The following DCC variants were observed in gnomAD, a reference collection of about 807,000 sequenced individuals.
DCC encodes netrin receptor DCC.
DCC carries 58 observed loss-of-function variants against 172.5 expected under a neutral mutation model. That is an observed-to-expected ratio of 0.34 (90% CI 0.27 to 0.42). The LOEUF is 0.42. Among genes scored for constraint, DCC ranks in the 10% least tolerant of loss-of-function variants. DCC has a pLI of 1.00. For missense variants in DCC, 1,740 were observed against 1,791.0 expected, an observed-to-expected ratio of 0.97 and a Z score of 0.51; for synonymous variants, 709 against 644.5, an observed-to-expected ratio of 1.10 and a Z score of -1.52.
At chr18:52,564,022 G>T (rs1200178341) in intron 1 of DCC, among the ~76,000 whole-genome samples, 1 of 152,138 alleles carries the variant, frequency 6.6e-6, no homozygotes, top group Non-Finnish European at 1.5e-5. Context: ...GAAGCATGTT[G>T]CTGGTTGTTA....
At chr18:52,966,466 T>C (rs2040932277) in intron 5 of DCC, among the ~76,000 whole-genome samples, 1 of 152,160 alleles carries the variant, frequency 6.6e-6, no homozygotes. Context: ...ATCTCTGCTG[T>C]GCAGTATCCC....
In DCC at chr18:52,503,057, G is replaced by C. The variant is rs572987671; in HGVS notation, c.91+162179G>C. Among the ~76,000 whole-genome samples the C allele has an allele frequency of 5.9e-5, 9 of 152,278 alleles. No homozygotes were observed. In the South Asian group the frequency reaches 1.9e-3, roughly 32 times the overall value. ...GCCTATTATATATCAGGAGTCTGAA[G>C]AGTCAAATCAAATCACAGAGGATCT... On this transcript the variant is annotated intron_variant, in intron 1 of 28. Coordinates refer to ENST00000442544, the MANE Select transcript of DCC (RefSeq NM_005215.4).
chr18:52,993,181 G>A (rs1390628895), intron 5 of DCC, among the ~76,000 whole-genome samples: 1 of 152,026 alleles, frequency 6.6e-6, no homozygotes, highest in Non-Finnish European at 1.5e-5. Context: ...CATCTATTGA[G>A]ACCCACAAAA....
At chr18:52,401,231 T>C (rs1986428148) in intron 1 of DCC, among the ~76,000 whole-genome samples, 1 of 152,022 alleles carries the variant, frequency 6.6e-6, no homozygotes, top group African/African-American at 2.4e-5. Context: ...ATCAATCATA[T>C]GCTTTCCTAA....
At position 53,492,085 on chromosome 18, in the gene DCC, T is replaced by C. The variant is rs79385513; in HGVS notation, c.3898+5127T>C. 7.9e-5 allele frequency among the ~76,000 whole-genome samples: 12 copies of C among 152,196 alleles called. 1 individual carries two copies. Among genetic ancestry groups the C allele is most frequent in the Admixed American group, 6.5e-4 (10 of 15,280 alleles). The stretch of plus-strand genomic sequence containing the variant: ...CAGTGATGATGAGCATTTTTTCATA[T>C]GTTTGTTGGCTGCATAAATGTCTTC... On this transcript the variant is annotated intron_variant, in intron 26 of 28. Transcript: ENST00000442544.
At chr18:52,833,558 A>C (rs922685719) in intron 2 of DCC, among the ~76,000 whole-genome samples, 2 of 152,032 alleles carry the variant, frequency 1.3e-5, no homozygotes. Context: ...AGATTTAGTA[A>C]AATCTAAAGT....
intron 1 of DCC, among the ~76,000 whole-genome samples, chr18:52,458,377 T>C (rs766695070): frequency 3.9e-5 from 6 of 152,146 alleles, no homozygotes; most frequent in African/African-American, 7.2e-5. Context: ...CCTGACTGCG[T>C]GTCTTAGGGG....
intron 2 of DCC, among the ~76,000 whole-genome samples, chr18:52,774,130 G>C (rs1247968330): frequency 1.3e-5 from 2 of 152,220 alleles, no homozygotes; most frequent in Non-Finnish European, 2.9e-5. Flanking sequence ...TGTGGTCCCT[G>C]ATCAGCTGCA....
chr18:52,509,777 G>A (rs535606469), intron 1 of DCC, among the ~76,000 whole-genome samples: 2 of 152,246 alleles, frequency 1.3e-5, no homozygotes, highest in South Asian at 2.1e-4. Context: ...ACACCCCCAC[G>A]GATGAACCGA....
At chr18:52,523,963 T>C (rs972219190) in intron 1 of DCC, among the ~76,000 whole-genome samples, 7 of 152,210 alleles carry the variant, frequency 4.6e-5, no homozygotes, top group African/African-American at 1.7e-4. Flanking sequence ...GATAAATGCT[T>C]CCTGCTCTTC....
intron 1 of DCC, among the ~76,000 whole-genome samples, chr18:52,449,436 C>T (rs1209185063): frequency 6.6e-6 from 1 of 152,160 alleles, no homozygotes; most frequent in Non-Finnish European, 1.5e-5. Context: ...CTTAAGAGTC[C>T]TTAGAGCAAT....
chr18:52,878,114 C>T (rs907844871), intron 2 of DCC, among the ~76,000 whole-genome samples: 7 of 152,078 alleles, frequency 4.6e-5, no homozygotes, highest in Admixed American at 1.3e-4. Context: ...TATTTCCTAA[C>T]GTTCCTCTCT....
At chr18:52,573,924 G>A (rs946896225) in intron 1 of DCC, among the ~76,000 whole-genome samples, 1 of 152,060 alleles carries the variant, frequency 6.6e-6, no homozygotes, top group African/African-American at 2.4e-5. Flanking sequence ...CTTTTCATGG[G>A]TTTCTACATG....
At chr18:53,169,213 T>A (rs1006397156) in intron 8 of DCC, among the ~76,000 whole-genome samples, 1 of 152,238 alleles carries the variant, frequency 6.6e-6, no homozygotes, top group Non-Finnish European at 1.5e-5. Flanking sequence ...AGGAACATTA[T>A]GGTTAGTGGG....
In DCC at chr18:53,267,087, TAC is replaced by T. The variant is rs1175991668; in HGVS notation, c.1912-38478_1912-38477del. 1.3e-4 allele frequency among the ~76,000 whole-genome samples: 19 copies of T among 149,452 alleles called. No individual in the cohort carries two copies. In the East Asian group the frequency reaches 1.6e-3, roughly 12 times the overall value. On this transcript the variant is annotated intron_variant, in intron 12 of 28. Coordinates refer to ENST00000442544, the MANE Select transcript of DCC (RefSeq NM_005215.4). Reference sequence around the variant, plus strand: ...AATAACACTATGTTTAACCTTTATATACACACACACACACTCTCTCTCTCACA... The same window carrying T: ...AATAACACTATGTTTAACCTTTATATACACACACACACTCTCTCTCTCACA...
intron 12 of DCC, among the ~76,000 whole-genome samples, chr18:53,285,996 T>C (rs753706543): frequency 3.9e-5 from 6 of 152,228 alleles, no homozygotes; most frequent in Non-Finnish European, 8.8e-5. Context: ...CTAATGCCTG[T>C]ATCCCTCTTG....
At chr18:52,990,635 T>C (rs1024092367) in intron 5 of DCC, among the ~76,000 whole-genome samples, 1 of 152,140 alleles carries the variant, frequency 6.6e-6, no homozygotes, top group Non-Finnish European at 1.5e-5. Flanking sequence ...TATCAGTTTT[T>C]TCTTGCACAC....
chr18:52,946,699 C>T (rs1338086658), intron 5 of DCC, among the ~76,000 whole-genome samples: 1 of 152,170 alleles, frequency 6.6e-6, no homozygotes, highest in Admixed American at 6.5e-5. Flanking sequence ...CATCTGCAAA[C>T]ATCCACCTTG....
intron 8 of DCC, among the ~76,000 whole-genome samples, chr18:53,166,563 AC>A (rs1307057751): frequency 6.6e-6 from 1 of 152,150 alleles, no homozygotes; most frequent in Non-Finnish European, 1.5e-5. Context: ...AATCTGTTTC[AC>A]CCCAACTCCC....
Sources: allele counts gnomAD v4.1 joint callset (sites outside exome capture counted in the v4.1 genomes callset), GRCh38; gene constraint gnomAD v4.1.1; transcripts MANE v1.5; gene names NCBI Gene and HGNC (gene_info 2026-07-23, HGNC 2026-07-21).